Variants in CDC14A observed in about 807,000 individuals in gnomAD.
CDC14A encodes cell division cycle 14A.
CDC14A carries 53 observed loss-of-function variants against 74.4 expected under a neutral mutation model. That is an observed-to-expected ratio of 0.71 (90% CI 0.57 to 0.89). CDC14A has a LOEUF of 0.89. Among genes scored for constraint, CDC14A ranks in the 40% least tolerant of loss-of-function variants. The probability of loss-of-function intolerance (pLI) is 0.00; values close to 1 mark genes in which losing one functional copy is unlikely to be tolerated. For missense variants in CDC14A, 646 were observed against 713.7 expected (o/e 0.91, Z 1.08); for synonymous variants, 247 against 258.4 (o/e 0.96, Z 0.43).
intron 3 of CDC14A, among the ~76,000 whole-genome samples, chr1:100,385,877 C>T (rs1034749898): frequency 1.3e-5 from 2 of 152,172 alleles, no homozygotes; most frequent in African/African-American, 4.8e-5. Context: ...ATGTCCACTT[C>T]AGTTTAGAAA....
intron 8 of CDC14A, among the ~76,000 whole-genome samples, chr1:100,460,162 G>A (rs923534652): frequency 2.6e-5 from 4 of 152,164 alleles, no homozygotes; most frequent in African/African-American, 7.2e-5. Flanking sequence ...ATAGTGGCTA[G>A]CATATAGTAA....
chr1:100,461,449 G>A (rs1007392102), intron 8 of CDC14A, among the ~76,000 whole-genome samples: 1 of 152,334 alleles, frequency 6.6e-6, no homozygotes, highest in Non-Finnish European at 1.5e-5. Context: ...GCTGGCTGCC[G>A]CCACCCCTGG....
At chr1:100,504,529 G>A (rs1649062970) in intron 15 of CDC14A, among the ~76,000 whole-genome samples, 1 of 152,162 alleles carries the variant, frequency 6.6e-6, no homozygotes, top group African/African-American at 2.4e-5. Context: ...AACGAAAAGT[G>A]TGGCTAATAT....
chr1:100,471,712 A>G (rs1668415742), intron 10 of CDC14A, among the ~76,000 whole-genome samples: 1 of 152,154 alleles, frequency 6.6e-6, no homozygotes, highest in Admixed American at 6.5e-5. Flanking sequence ...CACTTGATTT[A>G]TGATAAAGGT....
At position 100,455,423 on chromosome 1, in the gene CDC14A, T is replaced by G; in HGVS notation, c.538T>G (p.Phe180Val). 1.9e-6 allele frequency: 3 copies of G among 1,603,022 alleles called. No homozygotes were observed. The highest frequency in any genetic ancestry group is 2.6e-6 in the Non-Finnish European group (3 of 1,176,378). Reference protein sequence around the residue: ...EHYERVENGDFNWIVPGKFLA... With the variant: ...EHYERVENGDVNWIVPGKFLA... ...CTGCCAGCGAGTTGAAAATGGTGAC[T>G]TCAACTGGATTGTTCCAGGAAAATT... Residue 180 changes from phenylalanine to valine, a missense_variant, in exon 8 of 16, where the codon TTC (phenylalanine) becomes GTC (valine). By Grantham distance (50) the Phe-to-Val change is conservative. Transcript: ENST00000336454.
chr1:100,444,631 T>G (rs1640761355), intron 7 of CDC14A, among the ~76,000 whole-genome samples: 1 of 152,234 alleles, frequency 6.6e-6, no homozygotes, highest in Non-Finnish European at 1.5e-5. Context: ...TCCCATCCTT[T>G]TAACCTCCCG....
At chr1:100,420,203 G>A (rs1638451978) in intron 4 of CDC14A, among the ~76,000 whole-genome samples, 1 of 121,068 alleles carries the variant, frequency 8.3e-6, no homozygotes, top group African/African-American at 3.1e-5. Flanking sequence ...TGAGGCAAAT[G>A]TCCCCAGAGA....
At chr1:100,444,341 C>G (rs535820685) in intron 7 of CDC14A, among the ~76,000 whole-genome samples, 7 of 152,290 alleles carry the variant, frequency 4.6e-5, no homozygotes, top group Admixed American at 1.3e-4. Context: ...CCCTTCTCCT[C>G]CCAGGCTGCC....
chr1:100,438,177 A>T (rs1399507224), intron 5 of CDC14A, among the ~76,000 whole-genome samples: 1 of 152,164 alleles, frequency 6.6e-6, no homozygotes, highest in African/African-American at 2.4e-5. Context: ...CAGTTATCAG[A>T]CTTGCCACTA....
At position 100,352,670 on chromosome 1, in the gene CDC14A, C is replaced by T. The variant is rs1054740864; in HGVS notation, c.-285C>T. ...GGTCTGCGTTTCCCAGGCGCGGCGG[C>T]GGCGGAGCAGCAGCTGCAGCAGCCG... is the stretch of plus-strand genomic sequence containing the variant. On this transcript the variant is annotated 5_prime_UTR_variant, in exon 1 of 16. Transcript: ENST00000336454. 1.6e-6 allele frequency: 2 copies of T among 1,288,400 alleles called. No individual in the cohort carries two copies. The highest frequency in any genetic ancestry group is 1.6e-5 in the African/African-American group (1 of 62,928). The allele number at this position is 1,288,400 out of a possible 1,614,324, so 79.8% of individuals were successfully genotyped here. A position where few individuals can be genotyped will look rare whatever the true frequency, so the allele number is the denominator to read the frequency against.
At chr1:100,367,552 A>G (rs1464887371) in intron 2 of CDC14A, among the ~76,000 whole-genome samples, 1 of 152,138 alleles carries the variant, frequency 6.6e-6, no homozygotes, top group Non-Finnish European at 1.5e-5. Context: ...ATAAGACTAT[A>G]TTATTTTAAA....
chr1:100,489,475 AT>A (rs1249136624), intron 11 of CDC14A, among the ~76,000 whole-genome samples: 3 of 151,964 alleles, frequency 2.0e-5, no homozygotes, highest in African/African-American at 7.3e-5. Context: ...CAATTACTTT[AT>A]CTAGCTGAAA....
chr1:100,403,878 C>T (rs940667412), intron 4 of CDC14A, among the ~76,000 whole-genome samples: 1 of 152,144 alleles, frequency 6.6e-6, no homozygotes, highest in Non-Finnish European at 1.5e-5. Context: ...GGCTTAGTTT[C>T]TAAGTGTGGG....
At chr1:100,376,161 G>A (rs1655229050) in intron 2 of CDC14A, among the ~76,000 whole-genome samples, 1 of 152,166 alleles carries the variant, frequency 6.6e-6, no homozygotes, top group Admixed American at 6.5e-5. Context: ...ATGGGGTGGG[G>A]GGATGGGGGA....
intron 11 of CDC14A, among the ~76,000 whole-genome samples, chr1:100,492,473 C>T (rs1165878595): frequency 3.3e-5 from 5 of 152,008 alleles, no homozygotes; most frequent in South Asian, 2.1e-4. Context: ...TTTGTATTGC[C>T]TCCTGGTTGT....
chr1:100,462,925 G>A (rs1179949999), intron 9 of CDC14A, 44 bp downstream of exon 9: 1 of 1,444,462 alleles, frequency 6.9e-7, no homozygotes, highest in African/African-American at 1.4e-5. Flanking sequence ...TTATCGAAGG[G>A]GCGGGCCAAG....
intron 2 of CDC14A, among the ~76,000 whole-genome samples, chr1:100,367,603 A>T (rs1053564876): frequency 6.6e-6 from 1 of 152,210 alleles, no homozygotes; most frequent in African/African-American, 2.4e-5. Flanking sequence ...GTATCAAATG[A>T]CCTTAAGATA....
intron 2 of CDC14A, among the ~76,000 whole-genome samples, chr1:100,355,929 G>A (rs1187337442): frequency 6.6e-6 from 1 of 152,198 alleles, no homozygotes; most frequent in East Asian, 1.9e-4. Flanking sequence ...GGGCACATCT[G>A]GTGGAAGCGT....
chr1:100,346,631 C>CA (rs200477363), intron 1 of CDC14A, among the ~76,000 whole-genome samples: 1,251 of 77,686 alleles, frequency 0.016, 17 homozygotes, highest in Admixed American at 0.04. Context: ...GACTCTGTCT[C>CA]AAAAAAAAAA....
Sources: allele counts gnomAD v4.1 joint callset (sites outside exome capture counted in the v4.1 genomes callset), GRCh38; gene constraint gnomAD v4.1.1; transcripts MANE v1.5; gene names NCBI Gene and HGNC (gene_info 2026-07-23, HGNC 2026-07-21).